Variants in PHOSPHO2 observed in about 807,000 individuals in gnomAD.
The protein encoded by PHOSPHO2 is phosphatase, orphan 2, also known as pyridoxal phosphate phosphatase PHOSPHO2.
A neutral mutation model predicts 16.4 loss-of-function variants in PHOSPHO2; 14 were observed. The observed-to-expected ratio is 0.85, with a 90% CI of 0.56 to 1.33. The LOEUF (loss-of-function observed/expected upper bound fraction) is 1.33. Among genes scored for constraint, PHOSPHO2 ranks in the 40% most tolerant of loss-of-function variants. The probability of loss-of-function intolerance (pLI) is 0.00; values close to 1 mark genes in which losing one functional copy is unlikely to be tolerated. For synonymous variants in PHOSPHO2, 85 were observed against 90.5 expected, an observed-to-expected ratio of 0.94 and a Z score of 0.34; for missense variants, 246 against 282.5, an observed-to-expected ratio of 0.87 and a Z score of 0.93.
intron 3 of PHOSPHO2, among the ~76,000 whole-genome samples, chr2:169,700,384 G>A (rs1460911666): frequency 8.0e-6 from 1 of 124,774 alleles, no homozygotes; most frequent in Non-Finnish European, 1.8e-5. Context: ...GTTAAGGAAG[G>A]GGTCCAGTTT....
Position 169,701,026 on chromosome 2 carries a change from G to C in PHOSPHO2, c.55G>C (p.Asp19His), listed in dbSNP as rs1353740425. ...FDNTIIDDNS[D>H]TWIVQCAPNK... ...CAATACAATCATAGATGACAATAGT[G>C]ACACTTGGATTGTACAATGTGCTCC... The change falls in exon 4 of 4, where the codon GAC becomes CAC. Residue 19 changes from aspartate to histidine, a missense_variant. By Grantham distance (81) the Asp-to-His change is moderately conservative. Transcript: ENST00000359744. 3 of 1,611,968 alleles carry C rather than the reference G, an allele frequency of 1.9e-6. No individual in the cohort carries two copies. Among genetic ancestry groups the C allele is most frequent in the Non-Finnish European group, 2.5e-6 (3 of 1,179,488 alleles).
In PHOSPHO2 at chr2:169,694,499, C is replaced by T. The variant is rs143421118; in HGVS notation, c.-354C>T. On this transcript the variant is annotated 5_prime_UTR_variant, in exon 1 of 4. Transcript: ENST00000359744. ...TGGCGGTCGGGCTAGAGAAGAGAGG[C>T]GCCTGCGCTTGCGAGCTGGGCTTGT... 2,471 of 678,500 alleles carry T rather than the reference C, an allele frequency of 3.6e-3. 58 individuals are homozygous for T. In the African/African-American group the frequency reaches 0.04, roughly 11 times the overall value. 42.0% of individuals were successfully genotyped at this position (678,500 alleles called of 1,614,324 possible).
chr2:169,701,378 T>G lies in PHOSPHO2; in HGVS notation c.407T>G (p.Val136Gly). The G allele has an allele frequency of 6.2e-7, 1 of 1,613,716 alleles. No individual in the cohort carries two copies. The highest frequency in any genetic ancestry group is 8.5e-7 in the Non-Finnish European group (1 of 1,179,926). The change falls in exon 4 of 4, where the codon GTT becomes GGT. Residue 136 changes from valine to glycine, a missense_variant. Val to Gly is a moderately radical substitution (Grantham distance 109, BLOSUM62 -3). Coordinates refer to ENST00000359744, the MANE Select transcript of PHOSPHO2 (RefSeq NM_001008489.4). The part of the protein sequence containing the change: ...AAFNSNGHLT[V>G]ENYHTHSCNR... ...TTTAATAGCAATGGTCATCTCACTG[T>G]TGAAAATTATCATACTCATTCTTGC...
At position 169,701,043 on chromosome 2, in the gene PHOSPHO2, A is replaced by T. The variant is rs749835111; in HGVS notation, c.72A>T (p.Gln24His). Reference sequence around the variant, plus strand: ...ACAATAGTGACACTTGGATTGTACAATGTGCTCCCAACAAAAAGCTTCCTA... The same window carrying T: ...ACAATAGTGACACTTGGATTGTACATTGTGCTCCCAACAAAAAGCTTCCTA... ...IDDNSDTWIV[Q>H]CAPNKKLPIE... is the part of the protein sequence containing the mutation. The change falls in exon 4 of 4, where the codon CAA (glutamine) becomes CAT (histidine). Residue 24 changes from glutamine to histidine, a missense_variant. Physicochemically the swap from Gln to His is conservative, Grantham distance 24. Transcript: ENST00000359744. The T allele has an allele frequency of 6.2e-7, 1 of 1,613,652 alleles. No individual in the cohort carries two copies. The highest frequency in any genetic ancestry group is 1.3e-5 in the African/African-American group (1 of 74,928).
chr2:169,696,742 A>G (rs1687551898), intron 2 of PHOSPHO2, among the ~76,000 whole-genome samples: 1 of 152,202 alleles, frequency 6.6e-6, no homozygotes, highest in Non-Finnish European at 1.5e-5. Flanking sequence ...TAATTTTTGG[A>G]GACATTTTAA....
At position 169,701,016 on chromosome 2, in the gene PHOSPHO2, T is replaced by C. The variant is rs757020404; in HGVS notation, c.45T>C (p.Asp15=). Residue 15 remains aspartate, a synonymous_variant, in exon 4 of 4, where the codon GAT becomes GAC. Transcript: ENST00000359744. ...LVFDFDNTII[D]DNSDTWIVQC... Reference sequence around the variant, plus strand: ...TTGACTTTGACAATACAATCATAGATGACAATAGTGACACTTGGATTGTAC... The same window carrying C: ...TTGACTTTGACAATACAATCATAGACGACAATAGTGACACTTGGATTGTAC... 1 of 1,611,474 alleles carries C rather than the reference T, an allele frequency of 6.2e-7. No individual in the cohort carries two copies. Among genetic ancestry groups the C allele is most frequent in the Non-Finnish European group, 8.5e-7 (1 of 1,179,302 alleles).
At chr2:169,699,040 G>A (rs1388909121) in intron 3 of PHOSPHO2, among the ~76,000 whole-genome samples, 1 of 151,936 alleles carries the variant, frequency 6.6e-6, no homozygotes, top group African/African-American at 2.4e-5. Flanking sequence ...TAAGTTCAGG[G>A]GTACATGTGC....
intron 2 of PHOSPHO2, among the ~76,000 whole-genome samples, chr2:169,695,637 C>A (rs1474225511): frequency 3.0e-4 from 42 of 141,844 alleles, no homozygotes; most frequent in Non-Finnish European, 2.9e-4. Context: ...GACTCCGTCT[C>A]AAAAAAAAAA....
intron 2 of PHOSPHO2, among the ~76,000 whole-genome samples, chr2:169,696,222 A>C (rs1254595295): frequency 1.3e-5 from 2 of 152,088 alleles, no homozygotes; most frequent in Non-Finnish European, 2.9e-5. Context: ...TCCTATACCC[A>C]CCACTCTTTT....
intron 3 of PHOSPHO2, chr2:169,698,411 A>G (rs189819454): frequency 6.6e-6 from 1 of 152,258 alleles, no homozygotes; most frequent in Non-Finnish European, 1.5e-5. Flanking sequence ...AATCAAATCA[A>G]CCTAAGATTC....
At chr2:169,698,428 T>A (rs1687627986) in intron 3 of PHOSPHO2, 1 of 152,194 alleles carries the variant, frequency 6.6e-6, no homozygotes, top group Admixed American at 6.5e-5. Flanking sequence ...ATTCCAGCTC[T>A]GGCACTTTAC....
rs149439735 is a variant in PHOSPHO2, at chr2:169,698,952, A to G, written c.-27+1421A>G. Among the ~76,000 whole-genome samples, 742 of 152,344 alleles carry G rather than the reference A, an allele frequency of 4.9e-3. 4 individuals carry two copies. The highest frequency in any genetic ancestry group is 0.017 in the African/African-American group (717 of 41,568). ...TAGAATATCATATAGAGTGTCAGCA[A>G]TCATTTACTTATAATATTGATATTT... On this transcript the variant is annotated intron_variant, in intron 3 of 3. Coordinates refer to ENST00000359744, the MANE Select transcript of PHOSPHO2 (RefSeq NM_001008489.4).
chr2:169,696,153 C>G (rs769471720), intron 2 of PHOSPHO2, among the ~76,000 whole-genome samples: 7 of 152,194 alleles, frequency 4.6e-5, no homozygotes, highest in Non-Finnish European at 8.8e-5. Context: ...TGACTTCAGA[C>G]TCGAGATTCC....
At chr2:169,698,017 T>C (rs563652220) in intron 3 of PHOSPHO2, 6 of 152,302 alleles carry the variant, frequency 3.9e-5, no homozygotes, top group Admixed American at 3.9e-4. Flanking sequence ...TCTCTAGATA[T>C]TCTAAATTAA....
chr2:169,697,037 ACG>A (rs1687565655), intron 2 of PHOSPHO2, among the ~76,000 whole-genome samples: 2 of 135,064 alleles, frequency 1.5e-5, no homozygotes, highest in Non-Finnish European at 3.2e-5. Flanking sequence ...TTTTTTTGAC[ACG>A]GAGTCTCGCT....
At position 169,701,005 on chromosome 2, in the gene PHOSPHO2, A is replaced by G; in HGVS notation, c.34A>G (p.Thr12Ala). 2 of 1,604,186 alleles carry G rather than the reference A, an allele frequency of 1.2e-6. No individual in the cohort carries two copies. The highest frequency in any genetic ancestry group is 1.1e-5 in the South Asian group (1 of 88,862). ...TTTGCTAGTTTTTGACTTTGACAAT[A>G]CAATCATAGATGACAATAGTGACAC... The part of the protein sequence containing the change: ...KILLVFDFDN[T>A]IIDDNSDTWI... Residue 12 changes from threonine (T) to alanine (A), a missense_variant, in exon 4 of 4, where the codon ACA becomes GCA. Thr to Ala is a moderately conservative substitution (Grantham distance 58). Coordinates refer to ENST00000359744, the MANE Select transcript of PHOSPHO2 (RefSeq NM_001008489.4).
rs943271626 is a variant in PHOSPHO2, at chr2:169,694,564, A to G, written c.-289A>G. The G allele has an allele frequency of 2.0e-5, 12 of 591,546 alleles. No homozygotes were observed. In the African/African-American group the frequency reaches 2.1e-4, roughly 10 times the overall value. 36.6% of individuals were successfully genotyped at this position (591,546 alleles called of 1,614,324 possible). On this transcript the variant is annotated 5_prime_UTR_variant, in exon 1 of 4. Coordinates refer to ENST00000359744, the MANE Select transcript of PHOSPHO2 (RefSeq NM_001008489.4). Reference sequence around the variant, plus strand: ...AGAGGGCAGGCGTGGGGCGAGGCCAAAGGACTGAACCCGCAGGAGCGTCAC... The same window carrying G: ...AGAGGGCAGGCGTGGGGCGAGGCCAGAGGACTGAACCCGCAGGAGCGTCAC...
intron 3 of PHOSPHO2, among the ~76,000 whole-genome samples, 159 bp downstream of exon 3, chr2:169,697,690 G>C (rs1687597212): frequency 1.3e-5 from 2 of 152,152 alleles, no homozygotes; most frequent in African/African-American, 4.8e-5. Context: ...AGTAATTTGT[G>C]GCTAATTAAG....
intron 2 of PHOSPHO2, among the ~76,000 whole-genome samples, chr2:169,696,729 T>C (rs4668154): frequency 0.64 from 97,725 of 152,050 alleles, 32,005 homozygotes; most frequent in African/African-American, 0.78. Flanking sequence ...TTGTTCATAT[T>C]CTTAATTTTT....
Sources: gnomAD v4.1 joint callset for allele counts (sites outside exome capture counted in the v4.1 genomes callset) on GRCh38, gnomAD v4.1.1 for gene constraint, MANE v1.5 for transcripts, NCBI Gene and HGNC (gene_info 2026-07-23, HGNC 2026-07-21) for gene names.